ADAMTSL3: variants seen among roughly 807,000 people sequenced by gnomAD.
The protein encoded by ADAMTSL3 is ADAMTS-like protein 3.
In ADAMTSL3, 128 loss-of-function variants were observed where a neutral mutation model predicts 201.7. The observed-to-expected ratio is 0.63, with a 90% CI of 0.55 to 0.73. The LOEUF (loss-of-function observed/expected upper bound fraction) is 0.73. ADAMTSL3 is among the 30% of genes least tolerant of loss of function. ADAMTSL3 has a pLI of 0.00. For missense variants in ADAMTSL3, 1,990 were observed against 2,119.6 expected, an observed-to-expected ratio of 0.94 and a Z score of 1.20; for synonymous variants, 738 against 748.4, an observed-to-expected ratio of 0.99 and a Z score of 0.23.
Position 83,842,779 on chromosome 15 carries a change from C to A in ADAMTSL3, c.727+4564C>A, listed in dbSNP as rs114243164. ...AGAGGCTATACTGAGAAGTGTTCATCCAGGAAGGCATGTGGATGAGGGGAG... is the reference window on the plus strand; with the variant it reads ...AGAGGCTATACTGAGAAGTGTTCATACAGGAAGGCATGTGGATGAGGGGAG... On this transcript the variant is annotated intron_variant, in intron 7 of 29. Coordinates refer to ENST00000286744, the MANE Select transcript of ADAMTSL3 (RefSeq NM_207517.3). Among the ~76,000 whole-genome samples, 515 of 152,156 alleles carry A rather than the reference C, an allele frequency of 3.4e-3. 2 individuals carry two copies. Among genetic ancestry groups the A allele is most frequent in the African/African-American group, 0.012 (492 of 41,510 alleles).
At chr15:83,800,336 T>C (rs2063497855) in intron 4 of ADAMTSL3, among the ~76,000 whole-genome samples, 1 of 151,892 alleles carries the variant, frequency 6.6e-6, no homozygotes, top group Admixed American at 6.6e-5. Context: ...TGTAGGAGAG[T>C]TGTACATACT....
chr15:83,973,957 C>T (rs1258982219), intron 20 of ADAMTSL3, among the ~76,000 whole-genome samples: 10 of 152,120 alleles, frequency 6.6e-5, no homozygotes, highest in Non-Finnish European at 1.5e-4. Flanking sequence ...TGGCTCTGAC[C>T]CTTTTGGTGT....
Position 83,879,391 on chromosome 15 carries a change from T to C in ADAMTSL3, c.961-5710T>C, listed in dbSNP as rs551532376. Among the ~76,000 whole-genome samples the C allele has an allele frequency of 6.7e-4, 102 of 152,296 alleles. 1 individual carries two copies. The highest frequency in any genetic ancestry group is 2.3e-3 in the African/African-American group (96 of 41,580). Reference sequence around the variant, plus strand: ...CCTAAAACATGTACATTTAAGTCTATAAATTTCTCTCAATGCATGCCTTAT... The same window carrying C: ...CCTAAAACATGTACATTTAAGTCTACAAATTTCTCTCAATGCATGCCTTAT... On this transcript the variant is annotated intron_variant, in intron 9 of 29. Transcript: ENST00000286744.
chr15:83,699,038 C>G (rs535022139), intron 2 of ADAMTSL3, among the ~76,000 whole-genome samples: 4 of 151,872 alleles, frequency 2.6e-5, no homozygotes, highest in Admixed American at 6.6e-5. Flanking sequence ...CAGGCAAAGC[C>G]CTCTTGCCTG....
At chr15:83,997,567 C>G (rs1043703308) in intron 23 of ADAMTSL3, among the ~76,000 whole-genome samples, 2 of 152,058 alleles carry the variant, frequency 1.3e-5, no homozygotes, top group Non-Finnish European at 2.9e-5. Flanking sequence ...CCAGCCCGGG[C>G]AACAAGAATA....
chr15:83,975,197 T>C (rs1264034133), intron 20 of ADAMTSL3, among the ~76,000 whole-genome samples: 3 of 151,818 alleles, frequency 2.0e-5, no homozygotes, highest in African/African-American at 7.3e-5. Context: ...AGAGACGGGG[T>C]TTCACCATGT....
chr15:83,910,077 G>T (rs547906268), intron 15 of ADAMTSL3, among the ~76,000 whole-genome samples: 4 of 152,000 alleles, frequency 2.6e-5, no homozygotes, highest in Non-Finnish European at 4.4e-5. Context: ...TTGATCTTCA[G>T]CCATGTTTCT....
In ADAMTSL3 at chr15:83,983,097, A is replaced by T; in HGVS notation, c.3469A>T (p.Ser1157Cys). 6.2e-7 allele frequency: 1 copy of T among 1,614,140 alleles called. No individual in the cohort carries two copies. The highest frequency in any genetic ancestry group is 8.5e-7 in the Non-Finnish European group (1 of 1,180,022). Reference protein sequence around the residue: ...PAAQLRGETGSVSQSSHAKNS... With the variant: ...PAAQLRGETGCVSQSSHAKNS... ...TGCTCAGCTCAGAGGGGAAACAGGG[A>T]GTGTGTCCCAAAGCTCGCATGCAAA... Residue 1157 changes from serine to cysteine, a missense_variant, in exon 21 of 30, where the codon AGT (serine) becomes TGT (cysteine). Transcript: ENST00000286744.
chr15:83,745,073 C>A (rs1373855757), intron 3 of ADAMTSL3, among the ~76,000 whole-genome samples: 2 of 152,186 alleles, frequency 1.3e-5, no homozygotes, highest in Non-Finnish European at 2.9e-5. Flanking sequence ...ACCCCAGGCT[C>A]AGCTGGCAGA....
In ADAMTSL3 at chr15:83,714,889, C is replaced by CT. The variant is rs2061992985; in HGVS notation, c.189+10381_189+10382insT. Among the ~76,000 whole-genome samples the CT allele has an allele frequency of 1.2e-3, 34 of 29,254 alleles. 1 individual carries two copies. Among genetic ancestry groups the CT allele is most frequent in the South Asian group, 4.2e-3 (1 of 238 alleles). 19.2% of individuals were successfully genotyped at this position (29,254 alleles called of 152,430 possible). On this transcript the variant is annotated intron_variant, in intron 3 of 29. Coordinates refer to ENST00000286744, the MANE Select transcript of ADAMTSL3 (RefSeq NM_207517.3). ...CCCTCCCTCCCTCCCTTCCTTCCTT[C>CT]CTTCCTTCCTTCCTTCCTTCCTTCC...
chr15:83,804,007 G>T (rs1458839250), intron 4 of ADAMTSL3, among the ~76,000 whole-genome samples: 1 of 152,090 alleles, frequency 6.6e-6, no homozygotes, highest in Non-Finnish European at 1.5e-5. Flanking sequence ...GCCAGGCACG[G>T]GGGTGTGCGC....
chr15:83,747,650 C>G (rs1250133218), intron 3 of ADAMTSL3, among the ~76,000 whole-genome samples: 1 of 152,122 alleles, frequency 6.6e-6, no homozygotes, highest in Admixed American at 6.6e-5. Flanking sequence ...GTTCACATGT[C>G]ATGAAATTCA....
intron 16 of ADAMTSL3, among the ~76,000 whole-genome samples, chr15:83,917,872 G>A (rs930665196): frequency 2.0e-5 from 3 of 152,076 alleles, no homozygotes; most frequent in African/African-American, 7.2e-5. Flanking sequence ...TATTAAATAA[G>A]GTGATGTTCA....
chr15:83,871,119 T>A (rs2065073139), intron 9 of ADAMTSL3, among the ~76,000 whole-genome samples, 160 bp downstream of exon 9: 2 of 152,220 alleles, frequency 1.3e-5, no homozygotes, highest in Admixed American at 1.3e-4. Context: ...TTAAAAATTG[T>A]TCAGCACTCT....
chr15:83,704,965 A>T (rs938277679), intron 3 of ADAMTSL3, among the ~76,000 whole-genome samples: 2 of 147,580 alleles, frequency 1.4e-5, no homozygotes, highest in African/African-American at 5.0e-5. Context: ...TATGTCTGTG[A>T]GTGTGTGTGT....
At chr15:83,976,125 T>C (rs2067282581) in intron 20 of ADAMTSL3, among the ~76,000 whole-genome samples, 1 of 152,120 alleles carries the variant, frequency 6.6e-6, no homozygotes, top group Non-Finnish European at 1.5e-5. Flanking sequence ...GGTTTGTGAA[T>C]ATTGAACAGC....
intron 19 of ADAMTSL3, among the ~76,000 whole-genome samples, chr15:83,954,474 T>A (rs1457507877): frequency 1.3e-5 from 2 of 152,260 alleles, no homozygotes; most frequent in Non-Finnish European, 2.9e-5. Flanking sequence ...TCAAAATGGC[T>A]ATTTTGAATT....
intron 9 of ADAMTSL3, among the ~76,000 whole-genome samples, chr15:83,873,037 G>T (rs1195693073): frequency 6.9e-6 from 1 of 145,582 alleles, no homozygotes; most frequent in Admixed American, 6.7e-5. Context: ...GGGCGTGGTG[G>T]CTCATGCCTG....
At chr15:83,843,437 C>A (rs1353365993) in intron 7 of ADAMTSL3, among the ~76,000 whole-genome samples, 1 of 152,178 alleles carries the variant, frequency 6.6e-6, no homozygotes, top group Non-Finnish European at 1.5e-5. Flanking sequence ...AAAACACAGT[C>A]CTTCACCATC....
Sources: gnomAD v4.1 joint callset for allele counts (sites outside exome capture counted in the v4.1 genomes callset) on GRCh38, gnomAD v4.1.1 for gene constraint, MANE v1.5 for transcripts, NCBI Gene and HGNC (gene_info 2026-07-23, HGNC 2026-07-21) for gene names.